Variants in PCGF2 observed in about 807,000 individuals in gnomAD.
The protein encoded by PCGF2 is polycomb group RING finger protein 2.
A neutral mutation model predicts 36.1 loss-of-function variants in PCGF2; 8 were observed. That is an observed-to-expected ratio of 0.22 (90% CI 0.13 to 0.40). The LOEUF is 0.40. Among genes scored for constraint, PCGF2 ranks in the 10% least tolerant of loss-of-function variants. The pLI, the probability that PCGF2 is intolerant of heterozygous loss-of-function variation, is 1.00. For missense variants in PCGF2, 436 were observed against 475.9 expected (o/e 0.92, Z 0.78); for synonymous variants, 198 against 191.2 (o/e 1.04, Z -0.29).
intron 9 of PCGF2, among the ~76,000 whole-genome samples, chr17:38,737,993 A>C (rs1333789008): frequency 6.6e-6 from 1 of 152,102 alleles, no homozygotes; most frequent in East Asian, 1.9e-4. Context: ...GGGGACACAT[A>C]TACATTCAAG....
At chr17:38,748,373 C>T (rs1281300085), upstream of PCGF2, 1 of 23,462 alleles carries the variant, frequency 4.3e-5, no homozygotes, top group Non-Finnish European at 8.3e-5. Flanking sequence ...GGGAGGGGAC[C>T]GAGGGGGGAG....
rs1395524229 is a variant in PCGF2 at position 38,734,947 on chromosome 17, C to A, written c.*276G>T. On this transcript the variant is annotated 3_prime_UTR_variant, in exon 11 of 11. Transcript: ENST00000620225. ...CCCAAAAACAGCAAATTACACAAGA[C>A]CCCCCCCAAAAAAAATGAACACCAT... 2 of 250,656 alleles carry A rather than the reference C, an allele frequency of 8.0e-6. No individual in the cohort carries two copies. Among genetic ancestry groups the A allele is most frequent in the African/African-American group, 2.4e-5 (1 of 42,488 alleles). 15.5% of individuals were successfully genotyped at this position (250,656 alleles called of 1,614,324 possible).
rs1219490784 is a variant in PCGF2, at chr17:38,738,613, A to C, written c.426-18T>G. The C allele has an allele frequency of 1.0e-5, 16 of 1,568,578 alleles. No individual in the cohort carries two copies. In the East Asian group the frequency reaches 3.6e-4, roughly 35 times the overall value. On this transcript the variant is annotated intron_variant, in intron 7 of 10. Coordinates refer to ENST00000620225, the MANE Select transcript of PCGF2 (RefSeq NM_007144.3). ...CCCGGTCCCTGGGGACGGAGAAAGA[A>C]TGAAGCTAGGAAGACCCAGGAAGAA...
chr17:38,735,174 T>G lies in PCGF2; in HGVS notation c.*49A>C. 1 of 1,277,240 alleles carries G rather than the reference T, an allele frequency of 7.8e-7. No individual in the cohort carries two copies. The highest frequency in any genetic ancestry group is 3.0e-5 in the East Asian group (1 of 33,508). The allele number at this position is 1,277,240 out of a possible 1,614,324, so 79.1% of individuals were successfully genotyped here. A position where few individuals can be genotyped will look rare whatever the true frequency, so the allele number is the denominator to read the frequency against. On this transcript the variant is annotated 3_prime_UTR_variant, in exon 11 of 11. Transcript: ENST00000620225. ...GGTGGAAAAAAGGGCCCAGAAAAAG[T>G]GGAAGGAGTGGAGAGGCTTGGCTGG...
intron 9 of PCGF2, among the ~76,000 whole-genome samples, chr17:38,737,419 T>C (rs1020398195): frequency 6.6e-5 from 10 of 151,964 alleles, no homozygotes; most frequent in Admixed American, 4.6e-4. Context: ...GCCAAGATGA[T>C]GCCACTGCAC....
chr17:38,743,460 G>A (rs1811251), intron 2 of PCGF2, among the ~76,000 whole-genome samples: 119,186 of 151,652 alleles, frequency 0.79, 47,264 homozygotes, highest in East Asian at 0.9. Flanking sequence ...CCCTCACCCA[G>A]TCACTTCCCC....
chr17:38,735,600 T>A lies in PCGF2; in HGVS notation c.658A>T (p.Asn220Tyr), dbSNP rs202151124. 92 of 1,559,894 alleles carry A rather than the reference T, an allele frequency of 5.9e-5. No individual in the cohort carries two copies. In the Middle Eastern group the frequency reaches 7.7e-4, roughly 13 times the overall value. Residue 220 changes from asparagine (N) to tyrosine (Y), a missense_variant and splice_region_variant, in exon 11 of 11, where the codon AAC becomes TAC. Transcript: ENST00000620225. The stretch of plus-strand genomic sequence containing the variant: ...CGGTACTTGAGGGGGAGAGGCCCGT[T>A]CTGCGGGGAGAGTGGGGAGGAGAGA... ...DIAYIYPWRR[N>Y]GPLPLKYRVQ...
intron 2 of PCGF2, among the ~76,000 whole-genome samples, chr17:38,744,463 C>G (rs1338914134): frequency 6.6e-6 from 1 of 152,186 alleles, no homozygotes; most frequent in East Asian, 1.9e-4. Flanking sequence ...TGAAGCGATT[C>G]TCCTGCCTCA....
In PCGF2 at chr17:38,736,176, G is replaced by A. The variant is rs369507015; in HGVS notation, c.577-6C>T. On this transcript the variant is annotated splice_region_variant and splice_polypyrimidine_tract_variant and intron_variant, in intron 9 of 10. Transcript: ENST00000620225. ...TCCTCGTACAGAACCTCCACCTGGG[G>A]GAGGGAAGCGGAGGACACCATGACC... 4.5e-6 allele frequency: 7 copies of A among 1,554,868 alleles called. No individual in the cohort carries two copies. In the African/African-American group the frequency reaches 9.5e-5, roughly 21 times the overall value.
upstream of PCGF2, chr17:38,749,249 C>T (rs1020470070): frequency 5.6e-6 from 1 of 179,910 alleles, no homozygotes. The surrounding 1 kb of genome is among the most constrained non-coding windows in gnomAD (Gnocchi z 6.5). Context: ...CCGCATTTTT[C>T]GCTCGCGCCC....
At position 38,735,199 on chromosome 17, in the gene PCGF2, G is replaced by A. The variant is rs1906586089; in HGVS notation, c.*24C>T. ...TGGAAGGAGTGGAGAGGCTTGGCTG[G>A]AAGAAGGGAGAGGGTCCCTGGCCTC... On this transcript the variant is annotated 3_prime_UTR_variant, in exon 11 of 11. Coordinates refer to ENST00000620225, the MANE Select transcript of PCGF2 (RefSeq NM_007144.3). The A allele has an allele frequency of 5.8e-6, 8 of 1,382,920 alleles. No homozygotes were observed. The highest frequency in any genetic ancestry group is 7.6e-6 in the Non-Finnish European group (8 of 1,058,282). 85.7% of individuals were successfully genotyped at this position (1,382,920 alleles called of 1,614,324 possible).
At chr17:38,742,145 T>C (rs1907241546) in intron 2 of PCGF2, among the ~76,000 whole-genome samples, 1 of 152,144 alleles carries the variant, frequency 6.6e-6, no homozygotes, top group Non-Finnish European at 1.5e-5. Context: ...GCCACCGTGC[T>C]TCCTTCTTGG....
rs1027848135 is a variant in PCGF2, at chr17:38,735,021, A to G, written c.*202T>C. The G allele has an allele frequency of 1.3e-5, 5 of 398,846 alleles. No individual in the cohort carries two copies. Among genetic ancestry groups the G allele is most frequent in the Non-Finnish European group, 2.2e-5 (5 of 225,934 alleles). 24.7% of individuals were successfully genotyped at this position (398,846 alleles called of 1,614,324 possible). On this transcript the variant is annotated 3_prime_UTR_variant, in exon 11 of 11. Transcript: ENST00000620225. ...AAAGTTTGTTTCCTGTGGCATTTAA[A>G]TTAATCTGGTTGGTCCATAGAAAAT...
chr17:38,735,195 G>A lies in PCGF2; in HGVS notation c.*28C>T, dbSNP rs1359982196. The A allele has an allele frequency of 2.2e-6, 3 of 1,375,776 alleles. No individual in the cohort carries two copies. The highest frequency in any genetic ancestry group is 2.8e-6 in the Non-Finnish European group (3 of 1,054,194). 85.2% of individuals were successfully genotyped at this position (1,375,776 alleles called of 1,614,324 possible). A position where few individuals can be genotyped will look rare whatever the true frequency, so the allele number is the denominator to read the frequency against. ...AAAGTGGAAGGAGTGGAGAGGCTTG[G>A]CTGGAAGAAGGGAGAGGGTCCCTGG... On this transcript the variant is annotated 3_prime_UTR_variant, in exon 11 of 11. Transcript: ENST00000620225.
chr17:38,735,869 C>G (rs1399370616), intron 10 of PCGF2, among the ~76,000 whole-genome samples: 3 of 152,108 alleles, frequency 2.0e-5, no homozygotes, highest in Admixed American at 2.0e-4. Context: ...GCCCCCAAAT[C>G]TGGGGACACC....
At position 38,739,221 on chromosome 17, in the gene PCGF2, T is replaced by C; in HGVS notation, c.242A>G (p.Lys81Arg). ...ACCTTTAAAAAGCCCAGGGACCAAT[T>C]TGTAGACAATGTCTTGAAGTGTTTT... is the stretch of plus-strand genomic sequence containing the variant. The part of the protein sequence containing the change: ...SDKTLQDIVY[K>R]LVPGLFKDEM... The change falls in exon 5 of 11, where the codon AAA becomes AGA. Residue 81 changes from lysine to arginine, a missense_variant. This residue lies in a region of PCGF2 where 189 missense variants were observed against 219.3 expected (regional missense o/e 0.86). Coordinates refer to ENST00000620225, the MANE Select transcript of PCGF2 (RefSeq NM_007144.3). This position sits in a 1 kb window ranked among gnomAD's most constrained non-coding sequence, Gnocchi z 4.0. 6 of 1,614,056 alleles carry C rather than the reference T, an allele frequency of 3.7e-6. No homozygotes were observed. The highest frequency in any genetic ancestry group is 5.1e-6 in the Non-Finnish European group (6 of 1,179,974).
chr17:38,743,256 ATT>A (rs71138649), intron 2 of PCGF2, among the ~76,000 whole-genome samples: 157 of 140,448 alleles, frequency 1.1e-3, no homozygotes, highest in African/African-American at 1.3e-3. Context: ...ACACTGGCTA[ATT>A]TTTTTTTTTT....
At chr17:38,738,196 A>G (rs1027260136) in intron 9 of PCGF2, among the ~76,000 whole-genome samples, 157 bp downstream of exon 9, 3 of 152,056 alleles carry the variant, frequency 2.0e-5, no homozygotes, top group East Asian at 1.9e-4. Flanking sequence ...ACTGCCCCCA[A>G]TCTTGGTTTC....
intron 2 of PCGF2, among the ~76,000 whole-genome samples, chr17:38,743,964 A>T (rs902866576): frequency 1.3e-5 from 2 of 152,178 alleles, no homozygotes; most frequent in Admixed American, 1.3e-4. Context: ...TGGGAGACAC[A>T]GATCCCAAGA....
Sources: gnomAD v4.1 joint callset for allele counts (sites outside exome capture counted in the v4.1 genomes callset) on GRCh38, gnomAD v4.1.1 for gene constraint, gnomAD v4.1.1 regional missense constraint, Gnocchi (gnomAD v3.1) non-coding constraint, MANE v1.5 for transcripts, NCBI Gene and HGNC (gene_info 2026-07-23, HGNC 2026-07-21) for gene names.